The following TBCD variants were observed in gnomAD, a reference collection of about 807,000 sequenced individuals.
The protein encoded by TBCD is tubulin folding cofactor D.
A neutral mutation model predicts 169.3 loss-of-function variants in TBCD; 105 were observed. The ratio of observed to expected loss-of-function variants is 0.62; its 90% CI spans 0.53 to 0.73. TBCD has a LOEUF of 0.73. TBCD is among the 30% of genes least tolerant of loss of function. The pLI is 0.00. For synonymous variants in TBCD, 700 were observed against 643.9 expected (o/e 1.09, Z -1.32); for missense variants, 1,444 against 1,600.1 (o/e 0.90, Z 1.66).
At chr17:82,779,236 C>T (rs571821649) in intron 6 of TBCD, among the ~76,000 whole-genome samples, 5 of 150,718 alleles carry the variant, frequency 3.3e-5, no homozygotes, top group African/African-American at 4.9e-5. Context: ...GAACTTCTGA[C>T]GTCGTGATTC....
intron 6 of TBCD, among the ~76,000 whole-genome samples, chr17:82,773,584 C>T (rs1285582304): frequency 6.6e-6 from 1 of 152,062 alleles, no homozygotes; most frequent in African/African-American, 2.4e-5. Flanking sequence ...TCCATGGTCT[C>T]CCCGCGGGGC....
At chr17:82,779,237 G>A (rs894045949) in intron 6 of TBCD, among the ~76,000 whole-genome samples, 3 of 150,542 alleles carry the variant, frequency 2.0e-5, no homozygotes, top group Non-Finnish European at 3.0e-5. Flanking sequence ...AACTTCTGAC[G>A]TCGTGATTCA....
chr17:82,816,830 A>G lies in TBCD; in HGVS notation c.1318+1896A>G, dbSNP rs1367720698. On this transcript the variant is annotated intron_variant, in intron 13 of 38. Coordinates refer to ENST00000355528, the MANE Select transcript of TBCD (RefSeq NM_005993.5). ...GGGGAATACAGGCGTGAGCCACCACACTTGCCCCCTGCTTCTTTAAAAAAA... is the reference window on the plus strand; with the variant it reads ...GGGGAATACAGGCGTGAGCCACCACGCTTGCCCCCTGCTTCTTTAAAAAAA... 1.1e-4 allele frequency among the ~76,000 whole-genome samples: 14 copies of G among 126,750 alleles called. No homozygotes were observed. In the Admixed American group the frequency reaches 1.2e-3, roughly 11 times the overall value. 83.2% of individuals were successfully genotyped at this position (126,750 alleles called of 152,430 possible). A position where few individuals can be genotyped will look rare whatever the true frequency, so the allele number is the denominator to read the frequency against.
In TBCD at chr17:82,800,730, G is replaced by C. The variant is rs760329993; in HGVS notation, c.818-134G>C. 1.9e-4 allele frequency: 200 copies of C among 1,080,184 alleles called. 1 individual carries two copies. Among genetic ancestry groups the C allele is most frequent in the Non-Finnish European group, 2.5e-4 (193 of 772,928 alleles). 66.9% of individuals were successfully genotyped at this position (1,080,184 alleles called of 1,614,324 possible). On this transcript the variant is annotated intron_variant, in intron 8 of 38. Coordinates refer to ENST00000355528, the MANE Select transcript of TBCD (RefSeq NM_005993.5). ...CCAGCAGCTCTTGGTTCATGATTTG[G>C]GATGATGGGGGTCTTGGTGATGTCT...
intron 9 of TBCD, among the ~76,000 whole-genome samples, chr17:82,801,367 T>G (rs1416041144): frequency 6.6e-6 from 1 of 152,230 alleles, no homozygotes; most frequent in Non-Finnish European, 1.5e-5. Context: ...AATGGTTTTC[T>G]TTTGGTTATT....
intron 6 of TBCD, among the ~76,000 whole-genome samples, chr17:82,777,436 C>T (rs1002042387): frequency 1.3e-5 from 2 of 152,182 alleles, no homozygotes; most frequent in South Asian, 2.1e-4. Flanking sequence ...AGACCGGTAG[C>T]GGCCCCGAAT....
chr17:82,909,416 TGGGTTGAGC>T, intron 22 of TBCD, 109 bp downstream of exon 22: 1 of 874,758 alleles, frequency 1.1e-6, no homozygotes, highest in South Asian at 1.7e-5. Flanking sequence ...TATGTGTGTT[TGGGTTGAGC>T]GGGTGGGTGT....
chr17:82,877,193 A>G (rs1022486705), intron 14 of TBCD, among the ~76,000 whole-genome samples: 10 of 152,368 alleles, frequency 6.6e-5, no homozygotes, highest in African/African-American at 2.4e-4. Context: ...AGGAAACCAG[A>G]AATTCTTGAT....
At chr17:82,777,448 C>T (rs887857633) in intron 6 of TBCD, among the ~76,000 whole-genome samples, 1 of 152,160 alleles carries the variant, frequency 6.6e-6, no homozygotes, top group African/African-American at 2.4e-5. Flanking sequence ...GCCCCGAATG[C>T]CAGGCTGCAC....
chr17:82,864,279 G>A lies in TBCD; in HGVS notation c.1319-5945G>A, dbSNP rs2056997543. 6.6e-6 allele frequency: 1 copy of A among 152,276 alleles called. No homozygotes were observed. The highest frequency in any genetic ancestry group is 1.5e-5 in the Non-Finnish European group (1 of 68,052). The allele number at this position is 152,276 out of a possible 1,614,324, so 9.4% of individuals were successfully genotyped here. ...CATGAAGAAACAAATGTAGTGCAGA[G>A]AACAGAAAGCTGCTGTGTGACCTGC... On this transcript the variant is annotated intron_variant, in intron 13 of 38. Transcript: ENST00000355528. The surrounding 1 kb of genome is among the most constrained non-coding windows in gnomAD (Gnocchi z 6.3).
Position 82,939,375 on chromosome 17 carries a change from G to A in TBCD, c.3378G>A (p.Lys1126=). The stretch of plus-strand genomic sequence containing the variant: ...CTGCATCCCTGTCCCAGATCCGGAA[G>A]ACCACGGCCAGCCAGGTGTACGAGA... ...LLCHRFPLIR[K]TTASQVYETL... Residue 1126 remains lysine, a synonymous_variant, in exon 37 of 39, where the codon AAG becomes AAA. Transcript: ENST00000355528. 1 of 1,611,900 alleles carries A rather than the reference G, an allele frequency of 6.2e-7. No homozygotes were observed. The highest frequency in any genetic ancestry group is 1.1e-5 in the South Asian group (1 of 90,714).
chr17:82,787,910 G>C (rs2049426307), intron 7 of TBCD, among the ~76,000 whole-genome samples: 3 of 152,214 alleles, frequency 2.0e-5, no homozygotes, highest in Non-Finnish European at 4.4e-5. Flanking sequence ...AATGCAAATT[G>C]AGGAAATTCA....
At chr17:82,837,249 C>T (rs539315268) in intron 13 of TBCD, among the ~76,000 whole-genome samples, 4 of 152,300 alleles carry the variant, frequency 2.6e-5, no homozygotes, top group East Asian at 1.9e-4. Flanking sequence ...CCAAACCCGA[C>T]GGCCAGTACC....
At chr17:82,756,513 C>T in intron 2 of TBCD, among the ~76,000 whole-genome samples, 1 of 152,064 alleles carries the variant, frequency 6.6e-6, no homozygotes. Context: ...CGGAGTCTCG[C>T]TCTGTCTCCA....
At chr17:82,826,869 A>G (rs2052894679) in intron 13 of TBCD, among the ~76,000 whole-genome samples, 1 of 151,412 alleles carries the variant, frequency 6.6e-6, no homozygotes, top group Non-Finnish European at 1.5e-5. Context: ...TCTGCCTCCC[A>G]GGCTCAGGCC....
chr17:82,817,336 G>A (rs912448381), intron 13 of TBCD, among the ~76,000 whole-genome samples: 10 of 151,894 alleles, frequency 6.6e-5, no homozygotes, highest in Non-Finnish European at 1.3e-4. Flanking sequence ...CATTCCCATC[G>A]CCCAGGCCGG....
intron 36 of TBCD, 109 bp downstream of exon 36, chr17:82,938,245 C>T: frequency 1.6e-6 from 2 of 1,288,602 alleles, no homozygotes; most frequent in Non-Finnish European, 2.2e-6. Flanking sequence ...CAGCCGAGCC[C>T]CTCTCGTTAA....
intron 13 of TBCD, among the ~76,000 whole-genome samples, chr17:82,866,866 CCTCTT>C (rs201917620): frequency 0.01 from 1,569 of 152,362 alleles, 19 homozygotes; most frequent in African/African-American, 0.035. Flanking sequence ...CAGGAACTGG[CCTCTT>C]CTCTTTAAGA....
chr17:82,765,636 G>C (rs1277224256), intron 3 of TBCD, among the ~76,000 whole-genome samples: 3 of 152,206 alleles, frequency 2.0e-5, no homozygotes, highest in Non-Finnish European at 4.4e-5. Flanking sequence ...TCCTCTGTTT[G>C]AGGTTAGGAT....
Sources: gnomAD v4.1 joint callset for allele counts (sites outside exome capture counted in the v4.1 genomes callset) on GRCh38, gnomAD v4.1.1 for gene constraint, Gnocchi (gnomAD v3.1) non-coding constraint, MANE v1.5 for transcripts, NCBI Gene and HGNC (gene_info 2026-07-23, HGNC 2026-07-21) for gene names.